The following VAT1L variants were observed in gnomAD, a reference collection of about 807,000 sequenced individuals.
The protein encoded by VAT1L is vesicle amine transport 1 like, also known as putative NADPH-dependent quinone oxidoreductase VAT1L.
Under a neutral mutation model 44.1 loss-of-function variants are expected in VAT1L, and 34 were observed. The observed-to-expected ratio is 0.77, with a 90% CI of 0.59 to 1.03. The LOEUF (loss-of-function observed/expected upper bound fraction) is 1.03, where lower values mean the gene tolerates loss of function less well. Among genes scored for constraint, VAT1L ranks in the 50% least tolerant of loss-of-function variants. VAT1L has a pLI of 0.00. For missense variants in VAT1L, 615 were observed against 538.8 expected, an observed-to-expected ratio of 1.14 and a Z score of -1.40; for synonymous variants, 253 against 202.2, an observed-to-expected ratio of 1.25 and a Z score of -2.13.
At chr16:77,959,717 A>G (rs1178667217) in intron 7 of VAT1L, among the ~76,000 whole-genome samples, 2 of 152,216 alleles carry the variant, frequency 1.3e-5, no homozygotes, top group African/African-American at 2.4e-5. Context: ...ACTATGAAGC[A>G]CTAAATGAAG....
rs545988744 is a variant in VAT1L, at chr16:77,918,858, T to C, written c.1077+34056T>C. ...GCATAGCAGAACACCCAGCCTAAGA[T>C]AGGCTCCCAGTAAATGTTTGTTCAG... On this transcript the variant is annotated intron_variant, in intron 7 of 8. Coordinates refer to ENST00000302536, the MANE Select transcript of VAT1L (RefSeq NM_020927.3). Among the ~76,000 whole-genome samples the C allele has an allele frequency of 4.6e-5, 7 of 152,320 alleles. No homozygotes were observed. In the East Asian group the frequency reaches 1.2e-3, roughly 25 times the overall value.
At chr16:77,798,292 G>T (rs12149606) in intron 1 of VAT1L, among the ~76,000 whole-genome samples, 26,761 of 152,200 alleles carry the variant, frequency 0.18, 2,555 homozygotes, top group African/African-American at 0.24. Context: ...AGAGGCAGTA[G>T]GCTTCTTGGT....
intron 7 of VAT1L, among the ~76,000 whole-genome samples, chr16:77,917,540 C>G (rs1300593683): frequency 6.6e-6 from 1 of 152,116 alleles, no homozygotes; most frequent in Non-Finnish European, 1.5e-5. Context: ...CTTTTTCATT[C>G]AGCTCAGAGA....
At position 77,879,154 on chromosome 16, in the gene VAT1L, A is replaced by G. The variant is rs761140511; in HGVS notation, c.827-15A>G. The G allele has an allele frequency of 5.0e-6, 8 of 1,613,762 alleles. No individual in the cohort carries two copies. In the Admixed American group the frequency reaches 1.0e-4, roughly 20 times the overall value. Reference sequence around the variant, plus strand: ...TCATTAGCAATTGCTTAATGTGGGAATCTTTCATTTTCAGGCTCATCCAAC... The same window carrying G: ...TCATTAGCAATTGCTTAATGTGGGAGTCTTTCATTTTCAGGCTCATCCAAC... On this transcript the variant is annotated splice_polypyrimidine_tract_variant and intron_variant, in intron 5 of 8. Transcript: ENST00000302536. This position sits in a 1 kb window ranked among gnomAD's most constrained non-coding sequence, Gnocchi z 4.1.
chr16:77,862,242 C>A (rs2016922037), intron 3 of VAT1L, among the ~76,000 whole-genome samples: 1 of 152,156 alleles, frequency 6.6e-6, no homozygotes, highest in Non-Finnish European at 1.5e-5. Flanking sequence ...ATGCTACTGG[C>A]ATGTAGTAGG....
intron 3 of VAT1L, among the ~76,000 whole-genome samples, 161 bp downstream of exon 3, chr16:77,825,622 T>C (rs77328688): frequency 3.2e-3 from 483 of 152,148 alleles, no homozygotes; most frequent in Non-Finnish European, 5.4e-3. Flanking sequence ...GATGATTGCA[T>C]TGGGGTAGGA....
intron 7 of VAT1L, among the ~76,000 whole-genome samples, chr16:77,901,301 C>A (rs1247373679): frequency 6.6e-6 from 1 of 151,532 alleles, no homozygotes; most frequent in African/African-American, 2.4e-5. Context: ...ATAGCTGGAA[C>A]TACAGGCGCC....
chr16:77,842,509 G>T (rs2016717256), intron 3 of VAT1L, among the ~76,000 whole-genome samples: 3 of 152,206 alleles, frequency 2.0e-5, no homozygotes, highest in African/African-American at 7.2e-5. Flanking sequence ...TGCGGAGTGG[G>T]GGAATGATAG....
intron 7 of VAT1L, among the ~76,000 whole-genome samples, chr16:77,958,588 T>C (rs1043573705): frequency 6.6e-6 from 1 of 152,190 alleles, no homozygotes; most frequent in Non-Finnish European, 1.5e-5. Context: ...GATTTTTTTT[T>C]CCCTCTGCTT....
chr16:77,843,189 C>T (rs2145261376), intron 3 of VAT1L, among the ~76,000 whole-genome samples: 1 of 152,250 alleles, frequency 6.6e-6, no homozygotes, highest in East Asian at 1.9e-4. Flanking sequence ...TTGCCTCTGC[C>T]CACTCAACTA....
At chr16:77,820,972 C>A (rs2016442911) in intron 2 of VAT1L, among the ~76,000 whole-genome samples, 1 of 152,218 alleles carries the variant, frequency 6.6e-6, no homozygotes, top group Non-Finnish European at 1.5e-5. Context: ...TGGTTTTCCC[C>A]TTTAGACCTA....
intron 7 of VAT1L, among the ~76,000 whole-genome samples, chr16:77,891,792 G>T (rs1417411637): frequency 6.6e-6 from 1 of 152,186 alleles, no homozygotes; most frequent in Non-Finnish European, 1.5e-5. Flanking sequence ...AAAAGATTAG[G>T]CCGGGCGCGG....
rs75823573 is a variant in VAT1L, at chr16:77,823,504, T to C, written c.364-1742T>C. On this transcript the variant is annotated intron_variant, in intron 2 of 8. Coordinates refer to ENST00000302536, the MANE Select transcript of VAT1L (RefSeq NM_020927.3). ...ATATGCAAACATGGCGGGTGCTCAT[T>C]GTGATGTCATGGAAAAATATTTGGA... Among the ~76,000 whole-genome samples the C allele has an allele frequency of 7.9e-5, 12 of 152,148 alleles. 1 individual carries two copies. In the East Asian group the frequency reaches 2.3e-3, roughly 29 times the overall value.
intron 3 of VAT1L, among the ~76,000 whole-genome samples, chr16:77,841,264 G>C (rs2145259761): frequency 6.6e-6 from 1 of 152,200 alleles, no homozygotes; most frequent in East Asian, 1.9e-4. Context: ...AAAACTTTTT[G>C]GTGAGATGGG....
intron 3 of VAT1L, among the ~76,000 whole-genome samples, chr16:77,838,831 C>G (rs2016669552): frequency 6.6e-6 from 1 of 150,924 alleles, no homozygotes; most frequent in African/African-American, 2.4e-5. Flanking sequence ...TTCTCTCTTT[C>G]TCTCCTTCCT....
At chr16:77,965,634 A>G (rs2018214943) in intron 7 of VAT1L, among the ~76,000 whole-genome samples, 1 of 152,176 alleles carries the variant, frequency 6.6e-6, no homozygotes, top group South Asian at 2.1e-4. Flanking sequence ...TGGCCGTGGC[A>G]TCCCAGACTG....
chr16:77,903,885 C>T (rs2017411117), intron 7 of VAT1L, among the ~76,000 whole-genome samples: 1 of 151,720 alleles, frequency 6.6e-6, no homozygotes, highest in Non-Finnish European at 1.5e-5. Flanking sequence ...TACAGGCGTC[C>T]ACCACCACGC....
In VAT1L at chr16:77,884,787, G is replaced by T. The variant is rs775102120; in HGVS notation, c.1062G>T (p.Leu354Phe). Residue 354 changes from leucine (L) to phenylalanine (F), a missense_variant, in exon 7 of 9, where the codon TTG (leucine) becomes TTT (phenylalanine). Transcript: ENST00000302536. This position sits in a 1 kb window ranked among gnomAD's most constrained non-coding sequence, Gnocchi z 4.5. The part of the protein sequence containing the change: ...QKKIKPVVDS[L>F]WALEEVKEAM... ...AGATCAAGCCTGTGGTGGACTCCTTGTGGGCTCTGGAGGAGGTAAGAATGG... is the reference window on the plus strand; with the variant it reads ...AGATCAAGCCTGTGGTGGACTCCTTTTGGGCTCTGGAGGAGGTAAGAATGG... The T allele has an allele frequency of 7.2e-6, 11 of 1,526,316 alleles. No individual in the cohort carries two copies. Among genetic ancestry groups the T allele is most frequent in the Non-Finnish European group, 8.8e-6 (10 of 1,140,890 alleles). 94.5% of individuals were successfully genotyped at this position (1,526,316 alleles called of 1,614,324 possible). A position where few individuals can be genotyped will look rare whatever the true frequency, so the allele number is the denominator to read the frequency against.
chr16:77,936,265 C>T (rs1274805099), intron 7 of VAT1L, among the ~76,000 whole-genome samples: 1 of 152,216 alleles, frequency 6.6e-6, no homozygotes, highest in East Asian at 1.9e-4. Flanking sequence ...AGCTATATTT[C>T]TTCCTCACTT....
Sources: gnomAD v4.1 joint callset for allele counts (sites outside exome capture counted in the v4.1 genomes callset) on GRCh38, gnomAD v4.1.1 for gene constraint, Gnocchi (gnomAD v3.1) non-coding constraint, MANE v1.5 for transcripts, NCBI Gene and HGNC (gene_info 2026-07-23, HGNC 2026-07-21) for gene names.